The following RARB variants were observed in gnomAD, a reference collection of about 807,000 sequenced individuals.
RARB encodes the protein HBV-activated protein.
In RARB, 17 loss-of-function variants were observed where a neutral mutation model predicts 51.9. That is an observed-to-expected ratio of 0.33 (90% confidence interval 0.22 to 0.49). The LOEUF is 0.49. Among genes scored for constraint, RARB ranks in the 20% least tolerant of loss-of-function variants. The pLI is 0.99. For synonymous variants in RARB, 215 were observed against 195.4 expected (o/e 1.10, Z -0.84); for missense variants, 369 against 550.8 (o/e 0.67, Z 3.30).
chr3:25,117,663 G>A (rs1699710759), intron 3 of RARB, among the ~76,000 whole-genome samples: 1 of 152,106 alleles, frequency 6.6e-6, no homozygotes. Flanking sequence ...TAGGGTAATG[G>A]CAGTGAAGAT....
intron 5 of RARB, among the ~76,000 whole-genome samples, chr3:25,583,125 C>T (rs2125309602): frequency 6.6e-6 from 1 of 152,268 alleles, no homozygotes; most frequent in Middle Eastern, 3.4e-3. Context: ...CAAAGACCTC[C>T]AATCATACCA....
At chr3:24,863,417 G>T (rs766109301) in intron 2 of RARB, among the ~76,000 whole-genome samples, 1 of 152,138 alleles carries the variant, frequency 6.6e-6, no homozygotes, top group African/African-American at 2.4e-5. Flanking sequence ...ATCTCGGGAG[G>T]CAGTTCTTAA....
At chr3:25,424,440 C>T (rs563929547), upstream of RARB, among the ~76,000 whole-genome samples, 292 of 152,310 alleles carry the variant, frequency 1.9e-3, 2 homozygotes, top group African/African-American at 6.7e-3. Flanking sequence ...ATACTTGCCT[C>T]GTGCTGCCAA....
intron 1 of RARB, among the ~76,000 whole-genome samples, chr3:25,451,804 G>C (rs551011119): frequency 6.6e-6 from 1 of 152,288 alleles, no homozygotes; most frequent in Middle Eastern, 3.4e-3. Context: ...AAATGAATGT[G>C]AATGTGTGTA....
In RARB at chr3:25,507,372, C is replaced by T. The variant is rs148667910; in HGVS notation, c.448+6049C>T. 4.5e-3 allele frequency among the ~76,000 whole-genome samples: 687 copies of T among 152,284 alleles called. 6 individuals carry two copies. The highest frequency in any genetic ancestry group is 0.015 in the African/African-American group (641 of 41,552). ...GGTGTGTATTCAAATCGCAGTCATT[C>T]GTTTATCTGCTAGGGGCCCAGAACA... is the stretch of plus-strand genomic sequence containing the variant. On this transcript the variant is annotated intron_variant, in intron 3 of 7. Transcript: ENST00000330688.
chr3:25,497,031 T>C (rs571897129), intron 2 of RARB, among the ~76,000 whole-genome samples: 1 of 152,262 alleles, frequency 6.6e-6, no homozygotes, highest in Admixed American at 6.5e-5. Context: ...ATTACAGGCA[T>C]GCGCCACCAT....
chr3:25,113,285 T>G (rs1259648178), intron 3 of RARB, among the ~76,000 whole-genome samples: 1 of 152,158 alleles, frequency 6.6e-6, no homozygotes, highest in African/African-American at 2.4e-5. Flanking sequence ...GTTCCCAGTT[T>G]CTCTTGGGAG....
intron 2 of RARB, among the ~76,000 whole-genome samples, chr3:24,980,675 T>G (rs921826237): frequency 2.6e-5 from 4 of 152,308 alleles, no homozygotes; most frequent in Admixed American, 2.6e-4. Context: ...TAACCTTTTT[T>G]CATGGTTTTT....
chr3:25,243,132 T>A (rs1204692144), intron 5 of RARB, among the ~76,000 whole-genome samples: 1 of 151,894 alleles, frequency 6.6e-6, no homozygotes, highest in Non-Finnish European at 1.5e-5. Context: ...TGTATAGGAG[T>A]GCTTGTGATT....
At chr3:25,092,766 C>T (rs956473873) in intron 3 of RARB, among the ~76,000 whole-genome samples, 1 of 152,018 alleles carries the variant, frequency 6.6e-6, no homozygotes, top group Non-Finnish European at 1.5e-5. Context: ...GACATTTTTC[C>T]ACTGAATGGA....
chr3:25,300,510 TACAA>T (rs1216496839), intron 5 of RARB, among the ~76,000 whole-genome samples: 2 of 152,224 alleles, frequency 1.3e-5, no homozygotes, highest in Non-Finnish European at 2.9e-5. Context: ...GGTCTCACAG[TACAA>T]ACAGTTCTGC....
intron 2 of RARB, among the ~76,000 whole-genome samples, chr3:24,960,210 T>A (rs1288246431): frequency 1.3e-5 from 2 of 152,204 alleles, no homozygotes; most frequent in East Asian, 1.9e-4. Context: ...AAATTGGAGT[T>A]TTTAGGGCAC....
At chr3:24,873,932 A>G (rs1233797994) in intron 2 of RARB, among the ~76,000 whole-genome samples, 1 of 152,132 alleles carries the variant, frequency 6.6e-6, no homozygotes, top group African/African-American at 2.4e-5. Context: ...AGCCAACCAC[A>G]GATCAAAAAT....
intron 3 of RARB, among the ~76,000 whole-genome samples, chr3:25,512,241 C>T (rs1004263938): frequency 1.6e-4 from 24 of 152,310 alleles, no homozygotes; most frequent in Non-Finnish European, 5.9e-5. Flanking sequence ...CATTCATCAG[C>T]GGTCCTTAGT....
intron 5 of RARB, among the ~76,000 whole-genome samples, chr3:25,249,620 G>A: frequency 6.8e-6 from 1 of 147,454 alleles, no homozygotes; most frequent in East Asian, 2.0e-4. Flanking sequence ...TATCCATGAT[G>A]TTGGTTGGGT....
At chr3:25,343,315 A>G (rs1322554934) in intron 5 of RARB, among the ~76,000 whole-genome samples, 2 of 152,142 alleles carry the variant, frequency 1.3e-5, no homozygotes, top group Admixed American at 6.5e-5. Flanking sequence ...TGCCATGCCT[A>G]TAGCATATTA....
chr3:25,286,953 G>A (rs1049836916), intron 5 of RARB, among the ~76,000 whole-genome samples: 9 of 152,120 alleles, frequency 5.9e-5, no homozygotes, highest in South Asian at 4.2e-4. Context: ...AAAAACTCCC[G>A]ATCACTCATG....
At chr3:25,103,032 A>G (rs1249038784) in intron 3 of RARB, among the ~76,000 whole-genome samples, 5 of 152,304 alleles carry the variant, frequency 3.3e-5, no homozygotes, top group South Asian at 2.1e-4. Flanking sequence ...CTGCTAGACT[A>G]GAGAAGAGGA....
At chr3:24,937,911 T>C (rs983194510) in intron 2 of RARB, among the ~76,000 whole-genome samples, 3 of 152,204 alleles carry the variant, frequency 2.0e-5, no homozygotes, top group Non-Finnish European at 4.4e-5. Flanking sequence ...ACAGGGTGTC[T>C]GTGTTCTCTG....
Sources: gnomAD v4.1 joint callset for allele counts (sites outside exome capture counted in the v4.1 genomes callset) on GRCh38, gnomAD v4.1.1 for gene constraint, MANE v1.5 for transcripts, NCBI Gene and HGNC (gene_info 2026-07-23, HGNC 2026-07-21) for gene names.